PTPN21: variants seen among roughly 807,000 people sequenced by gnomAD.
PTPN21 encodes the protein tyrosine-protein phosphatase non-receptor type 21.
A neutral mutation model predicts 131.8 loss-of-function variants in PTPN21; 77 were observed. The ratio of observed to expected loss-of-function variants is 0.58; its 90% confidence interval spans 0.49 to 0.71. The LOEUF is 0.71. Ranked by LOEUF, PTPN21 falls within the 30% of genes least tolerant of loss-of-function variation. The probability of loss-of-function intolerance (pLI) is 0.00; values close to 1 mark genes in which losing one functional copy is unlikely to be tolerated. For missense variants in PTPN21, 1,552 were observed against 1,527.1 expected (o/e 1.02, Z -0.27); for synonymous variants, 715 against 621.3 (o/e 1.15, Z -2.24).
intron 13 of PTPN21, 37 bp from the exon 14 acceptor site, chr14:88,473,839 C>G: frequency 3.2e-6 from 5 of 1,544,506 alleles, no homozygotes; most frequent in Non-Finnish European, 4.4e-6. Flanking sequence ...GAAATATACA[C>G]AAATACAACC....
chr14:88,487,947 CAG>C (rs2077761946), intron 10 of PTPN21, among the ~76,000 whole-genome samples: 1 of 124,530 alleles, frequency 8.0e-6, no homozygotes. Context: ...GCCTGGGCGA[CAG>C]AGTGAGACTC....
chr14:88,517,253 G>A lies in PTPN21; in HGVS notation c.189C>T (p.Tyr63=). 6.2e-7 allele frequency: 1 copy of A among 1,613,964 alleles called. No individual in the cohort carries two copies. The highest frequency in any genetic ancestry group is 1.1e-5 in the South Asian group (1 of 91,078). The change falls in exon 3 of 19, where the codon TAC becomes TAT. Residue 63 remains tyrosine, a synonymous_variant. Coordinates refer to ENST00000556564, the MANE Select transcript of PTPN21 (RefSeq NM_007039.4). The part of the protein sequence containing the change: ...AQRLELREVT[Y]FSLWYYNKQN... ...GCTTGTTGTAGTACCAGAGGCTGAA[G>A]TAAGTGACCTGGAAAGACAGAAGGT...
Position 88,473,054 on chromosome 14 carries a change from G to A in PTPN21, c.2650-589C>T, listed in dbSNP as rs147433094. ...TCAATTTTGTGACCCCTAATAGATG[G>A]AATTCTCCTGGGGAACAGTAAGTAA... On this transcript the variant is annotated intron_variant, in intron 14 of 18. Coordinates refer to ENST00000556564, the MANE Select transcript of PTPN21 (RefSeq NM_007039.4). 2.1e-3 allele frequency among the ~76,000 whole-genome samples: 313 copies of A among 152,216 alleles called. 3 individuals carry two copies. Among genetic ancestry groups the A allele is most frequent in the Non-Finnish European group, 1.6e-3 (109 of 68,022 alleles).
At chr14:88,551,582 T>C (rs2078870197) in intron 1 of PTPN21, 1 of 152,224 alleles carries the variant, frequency 6.6e-6, no homozygotes, top group Admixed American at 6.5e-5. Flanking sequence ...GAAGGGAACA[T>C]TTAAAGGGAC....
Position 88,480,020 on chromosome 14 carries a change from A to G in PTPN21, c.1411T>C (p.Ser471Pro). The change falls in exon 13 of 19, where the codon TCG (serine) becomes CCG (proline). Residue 471 changes from serine to proline, a missense_variant. Ser to Pro is a moderately conservative substitution (Grantham distance 74). This residue lies in a region of PTPN21 where 1,016 missense variants were observed against 883.5 expected (regional missense o/e 1.15). Coordinates refer to ENST00000556564, the MANE Select transcript of PTPN21 (RefSeq NM_007039.4). Reference protein sequence around the residue: ...GLVHAERQSHSLRNLNIGSSY... With the variant: ...GLVHAERQSHPLRNLNIGSSY... ...CTGCCGATGTTGAGGTTTCGCAGCG[A>G]GTGGCTCTGCCGTTCCGCATGCACC... The G allele has an allele frequency of 6.2e-7, 1 of 1,613,536 alleles. No homozygotes were observed.
At chr14:88,533,768 G>A (rs2139343547) in intron 2 of PTPN21, among the ~76,000 whole-genome samples, 1 of 152,090 alleles carries the variant, frequency 6.6e-6, no homozygotes. Context: ...CCAACTAGGA[G>A]GCTGAGGCAG....
chr14:88,491,754 C>T (rs549657020), intron 10 of PTPN21, among the ~76,000 whole-genome samples: 2 of 152,264 alleles, frequency 1.3e-5, no homozygotes, highest in East Asian at 1.9e-4. Context: ...TCATGGAAAT[C>T]GACTGCCACA....
intron 2 of PTPN21, among the ~76,000 whole-genome samples, chr14:88,537,174 T>G (rs2078643085): frequency 6.6e-6 from 1 of 152,210 alleles, no homozygotes; most frequent in African/African-American, 2.4e-5. Context: ...CTTGACCTTC[T>G]AAATTATTCT....
At chr14:88,512,884 T>C (rs899591804) in intron 3 of PTPN21, among the ~76,000 whole-genome samples, 1 of 152,194 alleles carries the variant, frequency 6.6e-6, no homozygotes, top group African/African-American at 2.4e-5. Context: ...TCAGAAGAAA[T>C]GGTATTTGGT....
intron 2 of PTPN21, among the ~76,000 whole-genome samples, chr14:88,525,026 T>C (rs759490861): frequency 2.0e-5 from 3 of 152,104 alleles, no homozygotes; most frequent in African/African-American, 4.8e-5. Flanking sequence ...GAGGACTGCT[T>C]GAGCTCAGAA....
At chr14:88,495,047 GTCAGTGT>G (rs2077888804) in intron 10 of PTPN21, among the ~76,000 whole-genome samples, 1 of 67,766 alleles carries the variant, frequency 1.5e-5, no homozygotes, top group African/African-American at 5.5e-5. Flanking sequence ...AAAGAAGAGT[GTCAGTGT>G]CAGGATCTGA....
At chr14:88,550,894 A>C (rs2078856656) in intron 1 of PTPN21, among the ~76,000 whole-genome samples, 1 of 152,230 alleles carries the variant, frequency 6.6e-6, no homozygotes, top group Non-Finnish European at 1.5e-5. Flanking sequence ...CTATAATCCC[A>C]AATTTTGTAG....
Position 88,485,832 on chromosome 14 carries a change from T to C in PTPN21, c.943A>G (p.Thr315Ala), listed in dbSNP as rs756012450. 11 of 1,606,138 alleles carry C rather than the reference T, an allele frequency of 6.8e-6. No homozygotes were observed. The Admixed American group carries it at 1.8e-4, about 27-fold the overall frequency. Residue 315 changes from threonine to alanine, a missense_variant, in exon 11 of 19, where the codon ACT (threonine) becomes GCT (alanine). Thr to Ala is a moderately conservative substitution (Grantham distance 58). Coordinates refer to ENST00000556564, the MANE Select transcript of PTPN21 (RefSeq NM_007039.4). ...RLNQCNLQTQ[T>A]VTVNPIRRRS... The stretch of plus-strand genomic sequence containing the variant: ...CTCCTGATTGGGTTCACTGTGACAG[T>C]CTGAGTTTGCCTATAAAATAGGATG...
chr14:88,548,264 C>T (rs1386974296), intron 2 of PTPN21, among the ~76,000 whole-genome samples: 2 of 152,224 alleles, frequency 1.3e-5, no homozygotes, highest in African/African-American at 2.4e-5. Context: ...CCTTCATTAA[C>T]TTCCCCACTA....
At chr14:88,474,023 G>C in intron 13 of PTPN21, 1 of 401,146 alleles carries the variant, frequency 2.5e-6, no homozygotes, top group Non-Finnish European at 4.4e-6. Context: ...CCAGATAGAA[G>C]GTTTTGAAAC....
intron 3 of PTPN21, among the ~76,000 whole-genome samples, chr14:88,516,457 A>C (rs1319216298): frequency 6.6e-6 from 1 of 152,212 alleles, no homozygotes; most frequent in Non-Finnish European, 1.5e-5. Context: ...TGGGATTCAC[A>C]GAACTTTGAA....
intron 10 of PTPN21, among the ~76,000 whole-genome samples, chr14:88,492,206 TCTTAA>T (rs1191832740): frequency 2.0e-5 from 3 of 152,172 alleles, no homozygotes; most frequent in South Asian, 2.1e-4. Context: ...TTATGAACAC[TCTTAA>T]CTTATTAAAG....
chr14:88,514,587 C>G (rs1379787585), intron 3 of PTPN21, among the ~76,000 whole-genome samples: 1 of 152,002 alleles, frequency 6.6e-6, no homozygotes, highest in African/African-American at 2.4e-5. Context: ...GCCTCAGCCT[C>G]CCGAGTAGTT....
intron 2 of PTPN21, among the ~76,000 whole-genome samples, chr14:88,548,864 C>T (rs2078820066): frequency 6.6e-6 from 1 of 152,170 alleles, no homozygotes; most frequent in African/African-American, 2.4e-5. Context: ...TTCCTACCAA[C>T]TAGATTAGGG....
Sources: allele counts gnomAD v4.1 joint callset (sites outside exome capture counted in the v4.1 genomes callset), GRCh38; gene constraint gnomAD v4.1.1; regional missense constraint gnomAD v4.1.1; transcripts MANE v1.5; gene names NCBI Gene and HGNC (gene_info 2026-07-23, HGNC 2026-07-21).